The following KIF17 variants were observed in gnomAD, a reference collection of about 807,000 sequenced individuals.
KIF17 encodes the protein kinesin-like protein KIF17.
A neutral mutation model predicts 96.8 loss-of-function variants in KIF17; 80 were observed. The observed-to-expected ratio is 0.83, with a 90% confidence interval of 0.69 to 1.00. The LOEUF is 1.00. Among genes scored for constraint, KIF17 ranks in the 50% least tolerant of loss-of-function variants. The pLI, the probability that KIF17 is intolerant of heterozygous loss-of-function variation, is 0.00. For missense variants in KIF17, 1,280 were observed against 1,372.9 expected (o/e 0.93, Z 1.07); for synonymous variants, 567 against 587.5 (o/e 0.97, Z 0.51).
chr1:20,717,602 GGC>G lies in KIF17; in HGVS notation c.103_104del (p.Ala35ProfsTer46). On this transcript the variant is annotated frameshift_variant, in exon 1 of 15. Coordinates refer to ENST00000400463, the MANE Select transcript of KIF17 (RefSeq NM_001122819.3). LOFTEE classifies it high-confidence loss of function. ...QPVVTVDCAR[A>X]QCCIQNPGAA... ...CGCCCGGGTTCTGGATGCAGCACTGGGCGCGCGCGCAGTCCACAGTCACCACG... is the reference window on the plus strand; with the variant it reads ...CGCCCGGGTTCTGGATGCAGCACTGGGCGCGCGCAGTCCACAGTCACCACG... The G allele has an allele frequency of 6.2e-7, 1 of 1,610,750 alleles. No homozygotes were observed.
chr1:20,713,171 T>C (rs1366173388), intron 3 of KIF17, among the ~76,000 whole-genome samples: 1 of 150,992 alleles, frequency 6.6e-6, no homozygotes, highest in Non-Finnish European at 1.5e-5. Flanking sequence ...AGTTTTTGTA[T>C]TTTTAGTAGA....
rs532902950 is a variant in KIF17 at position 20,673,701 on chromosome 1, T to G, written c.2464-1505A>C. Among the ~76,000 whole-genome samples the G allele has an allele frequency of 5.0e-4, 76 of 152,174 alleles. 1 individual carries two copies. In the South Asian group the frequency reaches 0.012, roughly 25 times the overall value. Reference sequence around the variant, plus strand: ...TGAGTCACCACGCTCAGCTCATTTTTTGTATTTTTAGCAGAGACGGGGTTT... The same window carrying G: ...TGAGTCACCACGCTCAGCTCATTTTGTGTATTTTTAGCAGAGACGGGGTTT... On this transcript the variant is annotated intron_variant, in intron 11 of 14. Coordinates refer to ENST00000400463, the MANE Select transcript of KIF17 (RefSeq NM_001122819.3).
intron 8 of KIF17, 129 bp from the exon 9 acceptor site, chr1:20,686,255 C>A: frequency 1.3e-6 from 1 of 750,964 alleles, no homozygotes; most frequent in South Asian, 1.5e-5. Context: ...CCCTGCCTGT[C>A]ACTCCCGAGA....
intron 11 of KIF17, among the ~76,000 whole-genome samples, chr1:20,678,126 G>A (rs1166014392): frequency 1.3e-5 from 2 of 152,214 alleles, no homozygotes; most frequent in Non-Finnish European, 2.9e-5. Flanking sequence ...CACAATCATG[G>A]TGGAAGGTGA....
At chr1:20,703,470 GGATGGATA>G (rs57830820) in intron 5 of KIF17, among the ~76,000 whole-genome samples, 26,854 of 147,254 alleles carry the variant, frequency 0.18, 2,979 homozygotes, top group African/African-American at 0.31. Flanking sequence ...GTAGATGGGA[GGATGGATA>G]GATGGATAGA....
chr1:20,681,861 T>G (rs1557588086), intron 11 of KIF17, among the ~76,000 whole-genome samples: 1 of 152,190 alleles, frequency 6.6e-6, no homozygotes, highest in Non-Finnish European at 1.5e-5. Flanking sequence ...GTCCCCCACC[T>G]GTGGTAGCCC....
rs1475574613 is a variant in KIF17 at position 20,687,936 on chromosome 1, G to C, written c.1390C>G (p.Leu464Val). The C allele has an allele frequency of 2.5e-6, 4 of 1,613,676 alleles. No individual in the cohort carries two copies. In the South Asian group the frequency reaches 4.4e-5, roughly 18 times the overall value. The change falls in exon 8 of 15, where the codon CTG becomes GTG. Residue 464 changes from leucine to valine, a missense_variant. Transcript: ENST00000400463. This position sits in a 1 kb window ranked among gnomAD's most constrained non-coding sequence, Gnocchi z 4.4. ...GCCTTGTAGAGGACTCCCACCTGCA[G>C]GACAGCCTCTGCAAAATGGAGAACT... ...ENLRKETEAV[L>V]QVGVLYKAEV...
chr1:20,711,586 G>C (rs1303827946), intron 3 of KIF17, among the ~76,000 whole-genome samples: 1 of 152,162 alleles, frequency 6.6e-6, no homozygotes, highest in African/African-American at 2.4e-5. Context: ...ACTTTGCCTG[G>C]ACATGGGTGG....
chr1:20,713,377 C>T (rs1290532539), intron 3 of KIF17, 77 bp downstream of exon 3: 9 of 1,065,994 alleles, frequency 8.4e-6, no homozygotes, highest in East Asian at 4.9e-5. Context: ...GACACTTTCC[C>T]ATATTTCTGA....
At chr1:20,680,107 C>T (rs957337010) in intron 11 of KIF17, among the ~76,000 whole-genome samples, 9 of 152,140 alleles carry the variant, frequency 5.9e-5, no homozygotes, top group African/African-American at 2.2e-4. Context: ...ACCTCAGCCT[C>T]CCAAAGTGCT....
In KIF17 at chr1:20,685,123, C is replaced by A. The variant is rs1052163915; in HGVS notation, c.2020-103G>T. The A allele has an allele frequency of 2.3e-6, 2 of 861,186 alleles. No individual in the cohort carries two copies. Among genetic ancestry groups the A allele is most frequent in the African/African-American group, 3.3e-5 (2 of 59,828 alleles). 53.3% of individuals were successfully genotyped at this position (861,186 alleles called of 1,614,324 possible). On this transcript the variant is annotated intron_variant, in intron 9 of 14. Transcript: ENST00000400463. This position sits in a 1 kb window ranked among gnomAD's most constrained non-coding sequence, Gnocchi z 4.1. The stretch of plus-strand genomic sequence containing the variant: ...CCAGACGGGGCCATTCCGCCTGCTG[C>A]AGCCCCGACAGATCACCTCCAGCTC...
intron 11 of KIF17, among the ~76,000 whole-genome samples, chr1:20,680,073 C>T (rs2154535566): frequency 6.6e-6 from 1 of 152,290 alleles, no homozygotes; most frequent in African/African-American, 2.4e-5. Flanking sequence ...CAACCTCCAC[C>T]TCCCAGGCTC....
rs184291164 is a variant in KIF17, at chr1:20,688,502, C to T, written c.1382-558G>A. Among the ~76,000 whole-genome samples the T allele has an allele frequency of 5.9e-5, 9 of 152,326 alleles. No individual in the cohort carries two copies. The East Asian group carries it at 9.7e-4, about 16-fold the overall frequency. On this transcript the variant is annotated intron_variant, in intron 7 of 14. Transcript: ENST00000400463. ...CTTCCAGGAAGCCTTCCCTGACCAACGCTGGGATTCCTCCATTTTCTGACC... is the reference window on the plus strand; with the variant it reads ...CTTCCAGGAAGCCTTCCCTGACCAATGCTGGGATTCCTCCATTTTCTGACC...
In KIF17 at chr1:20,704,690, G is replaced by A. The variant is rs140621013; in HGVS notation, c.880C>T (p.Arg294Trp). Residue 294 changes from arginine to tryptophan, a missense_variant, in exon 5 of 15, where the codon CGG becomes TGG. Arg to Trp is a moderately radical substitution (Grantham distance 101). Transcript: ENST00000400463. This position sits in a 1 kb window ranked among gnomAD's most constrained non-coding sequence, Gnocchi z 6.8. ...HVPYRDSKLT[R>W]LLQDSLGGNT... is the part of the protein sequence containing the mutation. ...CCGCCCAGTGAGTCCTGCAGCAGCC[G>A]CGTCAGCTTCGAGTCACGGTAGGGG... 8.1e-6 allele frequency: 13 copies of A among 1,613,992 alleles called. 1 individual carries two copies. Among genetic ancestry groups the A allele is most frequent in the South Asian group, 6.6e-5 (6 of 91,084 alleles).
At chr1:20,667,577 G>A (rs2053551149) in intron 13 of KIF17, among the ~76,000 whole-genome samples, 1 of 152,196 alleles carries the variant, frequency 6.6e-6, no homozygotes, top group Non-Finnish European at 1.5e-5. Flanking sequence ...ACTGGTCCCT[G>A]GTGCCAAAAA....
At position 20,664,209 on chromosome 1, in the gene KIF17, A is replaced by T; in HGVS notation, c.*375T>A. ...TCCCAGCTGATATTGAGCTTCCTCCACGTGGCAGCTGCTGCCCTCTCCATC... is the reference window on the plus strand; with the variant it reads ...TCCCAGCTGATATTGAGCTTCCTCCTCGTGGCAGCTGCTGCCCTCTCCATC... On this transcript the variant is annotated 3_prime_UTR_variant, in exon 15 of 15. Transcript: ENST00000400463. 2.0e-6 allele frequency: 1 copy of T among 512,716 alleles called. No individual in the cohort carries two copies. Among genetic ancestry groups the T allele is most frequent in the South Asian group, 2.5e-5 (1 of 40,296 alleles). The allele number at this position is 512,716 out of a possible 1,614,324, so 31.8% of individuals were successfully genotyped here. A position where few individuals can be genotyped will look rare whatever the true frequency, so the allele number is the denominator to read the frequency against.
At position 20,664,672 on chromosome 1, in the gene KIF17, C is replaced by T. The variant is rs574381737; in HGVS notation, c.2999G>A (p.Arg1000Gln). ...PTQAPEMPQP[R>Q]PFRLESLDIP... is the part of the protein sequence containing the mutation. ...GTCGAGGGACTCGAGGCGGAAGGGCCGGGGCTGGGGCATTTCAGGGGCCTG... is the reference window on the plus strand; with the variant it reads ...GTCGAGGGACTCGAGGCGGAAGGGCTGGGGCTGGGGCATTTCAGGGGCCTG... The change falls in exon 15 of 15, where the codon CGG becomes CAG. Residue 1000 changes from arginine (R) to glutamine (Q), a missense_variant. Coordinates refer to ENST00000400463, the MANE Select transcript of KIF17 (RefSeq NM_001122819.3). 5.2e-5 allele frequency: 17 copies of T among 326,288 alleles called. No homozygotes were observed. Among genetic ancestry groups the T allele is most frequent in the Middle Eastern group, 4.6e-4 (1 of 2,160 alleles). The allele number at this position is 326,288 out of a possible 1,614,324, so 20.2% of individuals were successfully genotyped here.
At chr1:20,714,469 G>C (rs749572108) in intron 2 of KIF17, among the ~76,000 whole-genome samples, 1 of 151,964 alleles carries the variant, frequency 6.6e-6, no homozygotes, top group Non-Finnish European at 1.5e-5. Flanking sequence ...CAGCCTGGGC[G>C]AAAGAGCAAG....
chr1:20,710,387 T>C (rs2054415175), intron 3 of KIF17, among the ~76,000 whole-genome samples: 2 of 152,032 alleles, frequency 1.3e-5, no homozygotes, highest in Admixed American at 1.3e-4. Context: ...AGATCACAGG[T>C]GAGCCCACTT....
Sources: gnomAD v4.1 joint callset for allele counts (sites outside exome capture counted in the v4.1 genomes callset) on GRCh38, gnomAD v4.1.1 for gene constraint, Gnocchi (gnomAD v3.1) non-coding constraint, MANE v1.5 for transcripts, NCBI Gene and HGNC (gene_info 2026-07-23, HGNC 2026-07-21) for gene names.